Variants in RASIP1 observed in about 807,000 individuals in gnomAD.
RASIP1 encodes the protein ras-interacting protein 1.
RASIP1 carries 20 observed loss-of-function variants against 85.3 expected under a neutral mutation model. That is an observed-to-expected ratio of 0.23 (90% CI 0.17 to 0.34). The LOEUF is 0.34. Ranked by LOEUF, RASIP1 falls within the 10% of genes least tolerant of loss-of-function variation. The pLI is 1.00. For missense variants in RASIP1, 1,170 were observed against 1,390.9 expected, an observed-to-expected ratio of 0.84 and a Z score of 2.53; for synonymous variants, 617 against 647.1, an observed-to-expected ratio of 0.95 and a Z score of 0.71.
chr19:48,732,325 G>C (rs1023428444), intron 4 of RASIP1, among the ~76,000 whole-genome samples: 1 of 150,662 alleles, frequency 6.6e-6, no homozygotes, highest in Non-Finnish European at 1.5e-5. Context: ...GCGCGATCTC[G>C]GCTCACTACA....
At chr19:48,727,687 T>C (rs2122436129) in intron 5 of RASIP1, among the ~76,000 whole-genome samples, 1 of 149,438 alleles carries the variant, frequency 6.7e-6, no homozygotes, top group East Asian at 2.0e-4. Context: ...GGATTCTTTT[T>C]TTTTTTTTTT....
intron 3 of RASIP1, chr19:48,737,394 G>T: frequency 2.2e-6 from 2 of 920,114 alleles, no homozygotes; most frequent in Non-Finnish European, 2.6e-6. Flanking sequence ...CTTTCAATGC[G>T]CCAGGCCCCA....
rs772976092 is a variant in RASIP1 at position 48,740,235 on chromosome 19, C to T, written c.48G>A (p.Lys16=). Residue 16 remains lysine, a synonymous_variant, in exon 2 of 12, where the codon AAG becomes AAA. Coordinates refer to ENST00000222145, the MANE Select transcript of RASIP1 (RefSeq NM_017805.3). The surrounding 1 kb of genome is among the most constrained non-coding windows in gnomAD (Gnocchi z 5.5). ...RKEGGSPRFG[K]LHLPVGLWIN... ...TCCACAGGCCCACGGGGAGATGAAG[C>T]TTCCCGAAGCGGGGGCTTCCGCCCT... 6.6e-5 allele frequency: 105 copies of T among 1,585,074 alleles called. 1 individual carries two copies. The highest frequency in any genetic ancestry group is 8.0e-5 in the Non-Finnish European group (94 of 1,169,896).
At position 48,727,224 on chromosome 19, in the gene RASIP1, T is replaced by G. The variant is rs577442105; in HGVS notation, c.1872-66A>C. 9.7e-5 allele frequency: 154 copies of G among 1,594,040 alleles called. No homozygotes were observed. In the African/African-American group the frequency reaches 1.8e-3, roughly 19 times the overall value. On this transcript the variant is annotated intron_variant, in intron 6 of 11. Coordinates refer to ENST00000222145, the MANE Select transcript of RASIP1 (RefSeq NM_017805.3). The stretch of plus-strand genomic sequence containing the variant: ...TCATCATAGTTTACAAACCCCAAGA[T>G]CTAAGTCTAAGTGGGAGAGCAAGAC...
chr19:48,725,075 T>A, intron 8 of RASIP1, 115 bp from the exon 9 acceptor site: 2 of 1,302,082 alleles, frequency 1.5e-6, no homozygotes, highest in Non-Finnish European at 2.1e-6. Flanking sequence ...GGAGTTGTAG[T>A]CCATTCTACA....
At position 48,720,817 on chromosome 19, in the gene RASIP1, G is replaced by T; in HGVS notation, c.2873C>A (p.Pro958His). 6.2e-7 allele frequency: 1 copy of T among 1,614,092 alleles called. No homozygotes were observed. The highest frequency in any genetic ancestry group is 1.1e-5 in the South Asian group (1 of 91,088). Reference sequence around the variant, plus strand: ...TGGTTCTCAAGGAGACGTGGCCACGGGAGGCCCATGGCGATAATTGGCTGG... The same window carrying T: ...TGGTTCTCAAGGAGACGTGGCCACGTGAGGCCCATGGCGATAATTGGCTGG... The part of the protein sequence containing the change: ...ELPANYRHGP[P>H]VATSP The change falls in exon 12 of 12, where the codon CCC (proline) becomes CAC (histidine). Residue 958 changes from proline to histidine, a missense_variant. This residue lies in a region of RASIP1 where 144 missense variants were observed against 125.5 expected (regional missense o/e 1.15). Transcript: ENST00000222145.
At position 48,738,948 on chromosome 19, in the gene RASIP1, C is replaced by A; in HGVS notation, c.823+12G>T. ...ACCGAGTCCCCGCCCCAGAGCCCCG[C>A]CCGCCGCTCACCTTCGCTGTCCGCG... On this transcript the variant is annotated intron_variant, in intron 3 of 11. Transcript: ENST00000222145. This position sits in a 1 kb window ranked among gnomAD's most constrained non-coding sequence, Gnocchi z 4.0. The A allele has an allele frequency of 8.2e-7, 1 of 1,212,818 alleles. No homozygotes were observed. Among genetic ancestry groups the A allele is most frequent in the Non-Finnish European group, 1.0e-6 (1 of 976,340 alleles). 75.1% of individuals were successfully genotyped at this position (1,212,818 alleles called of 1,614,324 possible).
intron 5 of RASIP1, among the ~76,000 whole-genome samples, chr19:48,728,656 C>T (rs1418018608): frequency 3.3e-5 from 5 of 152,074 alleles, no homozygotes; most frequent in Admixed American, 6.6e-5. Flanking sequence ...CCCAGCTACT[C>T]GGGAGGCTGA....
chr19:48,733,288 G>A (rs1257645617), intron 4 of RASIP1, among the ~76,000 whole-genome samples: 1 of 152,206 alleles, frequency 6.6e-6, no homozygotes, highest in African/African-American at 2.4e-5. Context: ...GCTTCCCAAA[G>A]TGCTGGGATT....
chr19:48,738,893 G>GC lies in RASIP1; in HGVS notation c.823+66dup, dbSNP rs2033619433. The GC allele has an allele frequency of 2.3e-5, 26 of 1,106,618 alleles. No homozygotes were observed. The highest frequency in any genetic ancestry group is 9.0e-5 in the South Asian group (2 of 22,180). The allele number at this position is 1,106,618 out of a possible 1,614,324, so 68.5% of individuals were successfully genotyped here. ...CGCGAGTCCCACAAGCCCCGCCCAG[G>GC]CCCCGCCCCACGGACCCCGCCTCTC... On this transcript the variant is annotated intron_variant, in intron 3 of 11. Coordinates refer to ENST00000222145, the MANE Select transcript of RASIP1 (RefSeq NM_017805.3). This position sits in a 1 kb window ranked among gnomAD's most constrained non-coding sequence, Gnocchi z 4.0.
Position 48,739,530 on chromosome 19 carries a change from G to C in RASIP1, c.253C>G (p.Arg85Gly), listed in dbSNP as rs1395101056. The change falls in exon 3 of 12, where the codon CGC (arginine) becomes GGC (glycine). Residue 85 changes from arginine to glycine, a missense_variant. By Grantham distance (125) the Arg-to-Gly change is moderately radical. Around this residue, in one of 4 missense-constraint regions of RASIP1, gnomAD observed 299 missense variants for 394.4 expected, o/e 0.76. Coordinates refer to ENST00000222145, the MANE Select transcript of RASIP1 (RefSeq NM_017805.3). This position sits in a 1 kb window ranked among gnomAD's most constrained non-coding sequence, Gnocchi z 9.2. ...VKAAGGASGS[R>G]AKRISQLFRG... ...AAGAGCTGGGAGATGCGCTTGGCGC[G>C]GCTACCGGAGGCTCCCCCGGCCGCC... 6.6e-7 allele frequency: 1 copy of C among 1,515,502 alleles called. No homozygotes were observed. The highest frequency in any genetic ancestry group is 8.8e-7 in the Non-Finnish European group (1 of 1,136,602). 93.9% of individuals were successfully genotyped at this position (1,515,502 alleles called of 1,614,324 possible).
Position 48,724,669 on chromosome 19 carries a change from C to T in RASIP1, c.2371+48G>A. Reference sequence around the variant, plus strand: ...GGTGTGTCTAATATGACCTGAGTCTCAGTGGCTCCTGTCTTTGCCTCCCTG... The same window carrying T: ...GGTGTGTCTAATATGACCTGAGTCTTAGTGGCTCCTGTCTTTGCCTCCCTG... On this transcript the variant is annotated intron_variant, in intron 9 of 11. Transcript: ENST00000222145. This position sits in a 1 kb window ranked among gnomAD's most constrained non-coding sequence, Gnocchi z 4.6. 6.2e-7 allele frequency: 1 copy of T among 1,608,908 alleles called. No homozygotes were observed. Among genetic ancestry groups the T allele is most frequent in the Non-Finnish European group, 8.5e-7 (1 of 1,177,024 alleles).
At chr19:48,727,285 A>C in intron 6 of RASIP1, 108 bp downstream of exon 6, 1 of 1,544,206 alleles carries the variant, frequency 6.5e-7, no homozygotes, top group East Asian at 2.3e-5. Flanking sequence ...GTTGAGCGCA[A>C]GGAGAAGCAG....
intron 4 of RASIP1, among the ~76,000 whole-genome samples, chr19:48,731,972 C>T (rs930274755): frequency 1.7e-4 from 26 of 152,302 alleles, no homozygotes; most frequent in East Asian, 9.7e-4. Context: ...CTCCATGAAT[C>T]GGCAAACCAA....
chr19:48,726,000 C>G (rs894295345), intron 8 of RASIP1, among the ~76,000 whole-genome samples: 5 of 152,126 alleles, frequency 3.3e-5, no homozygotes, highest in Admixed American at 6.6e-5. Flanking sequence ...GATTTCAGCT[C>G]ACTGCAACCT....
rs2033633518 is a variant in RASIP1, at chr19:48,739,621, G to A, written c.162C>T (p.Ser54=). 8 of 1,443,234 alleles carry A rather than the reference G, an allele frequency of 5.5e-6. No individual in the cohort carries two copies. The highest frequency in any genetic ancestry group is 7.3e-6 in the Non-Finnish European group (8 of 1,097,628). 89.4% of individuals were successfully genotyped at this position (1,443,234 alleles called of 1,614,324 possible). A position where few individuals can be genotyped will look rare whatever the true frequency, so the allele number is the denominator to read the frequency against. The change falls in exon 3 of 12, where the codon AGC becomes AGT. Residue 54 remains serine, a synonymous_variant. Coordinates refer to ENST00000222145, the MANE Select transcript of RASIP1 (RefSeq NM_017805.3). This position sits in a 1 kb window ranked among gnomAD's most constrained non-coding sequence, Gnocchi z 9.2. Reference sequence around the variant, plus strand: ...GCGGAGGTAGCGGCTCGCTGCTGCGGCTCCCCGTGTCCGACGAAGAAGACC... The same window carrying A: ...GCGGAGGTAGCGGCTCGCTGCTGCGACTCCCCGTGTCCGACGAAGAAGACC... The part of the protein sequence containing the change: ...SVKSSSSDTG[S]RSSEPLPPPP...
intron 4 of RASIP1, among the ~76,000 whole-genome samples, chr19:48,730,598 C>T (rs191306705): frequency 1.3e-5 from 2 of 152,314 alleles, no homozygotes; most frequent in East Asian, 3.9e-4. Flanking sequence ...AGGAAATCTC[C>T]TTTTCCCCAT....
At chr19:48,736,570 T>C (rs368520925) in intron 3 of RASIP1, among the ~76,000 whole-genome samples, 7 of 152,254 alleles carry the variant, frequency 4.6e-5, no homozygotes, top group African/African-American at 1.7e-4. Context: ...ACTGCACCAC[T>C]GGGTACTCTG....
chr19:48,726,657 C>G lies in RASIP1; in HGVS notation c.2127+128G>C, dbSNP rs2033347919. ...CAGAGAAAAGCAGAAAATCTTGAGT[C>G]AAATAGTGACATCAGAGCCACACAG... is the stretch of plus-strand genomic sequence containing the variant. On this transcript the variant is annotated intron_variant, in intron 8 of 11. Transcript: ENST00000222145. The G allele has an allele frequency of 6.7e-6, 5 of 751,372 alleles. No individual in the cohort carries two copies. In the Admixed American group the frequency reaches 1.6e-4, roughly 25 times the overall value. The allele number at this position is 751,372 out of a possible 1,614,324, so 46.5% of individuals were successfully genotyped here. A position where few individuals can be genotyped will look rare whatever the true frequency, so the allele number is the denominator to read the frequency against.
Sources: allele counts gnomAD v4.1 joint callset (sites outside exome capture counted in the v4.1 genomes callset), GRCh38; gene constraint gnomAD v4.1.1; regional missense constraint gnomAD v4.1.1; non-coding constraint Gnocchi (gnomAD v3.1); transcripts MANE v1.5; gene names NCBI Gene and HGNC (gene_info 2026-07-23, HGNC 2026-07-21).